Variants in HPSE2 observed in about 807,000 individuals in gnomAD.
HPSE2 encodes the protein inactive heparanase-2.
In HPSE2, 38 loss-of-function variants were observed where a neutral mutation model predicts 60.5. That is an observed-to-expected ratio of 0.63 (90% CI 0.48 to 0.82). HPSE2 has a LOEUF of 0.82. Ranked by LOEUF, HPSE2 falls within the 40% of genes least tolerant of loss-of-function variation. The probability of loss-of-function intolerance (pLI) is 0.00; values close to 1 mark genes in which losing one functional copy is unlikely to be tolerated. For synonymous variants in HPSE2, 295 were observed against 293.2 expected, an observed-to-expected ratio of 1.01 and a Z score of -0.06; for missense variants, 713 against 740.4, an observed-to-expected ratio of 0.96 and a Z score of 0.43.
chr10:99,291,311 T>C, the HPSE2 span, among the ~76,000 whole-genome samples: 1 of 152,124 alleles, frequency 6.6e-6, no homozygotes, highest in African/African-American at 2.4e-5. Context: ...ATGGGCCAGA[T>C]GCGGTGGCTC....
chr10:98,520,429 T>C (rs978427951), intron 9 of HPSE2, among the ~76,000 whole-genome samples: 1 of 152,060 alleles, frequency 6.6e-6, no homozygotes, highest in African/African-American at 2.4e-5. Context: ...TCCCAAGAAA[T>C]GGTCCCAAGT....
At chr10:99,189,879 T>C (rs1848159663) in intron 2 of HPSE2, among the ~76,000 whole-genome samples, 3 of 152,210 alleles carry the variant, frequency 2.0e-5, no homozygotes, top group Admixed American at 2.0e-4. Context: ...CCACACTGTC[T>C]GATACCAAGT....
chr10:99,290,193 C>T, the HPSE2 span, among the ~76,000 whole-genome samples: 2 of 152,042 alleles, frequency 1.3e-5, no homozygotes, highest in Admixed American at 1.3e-4. Flanking sequence ...GGAAGAGAGT[C>T]GTCTTAAAGT....
chr10:98,706,587 C>T (rs1948553939), intron 5 of HPSE2, among the ~76,000 whole-genome samples: 1 of 152,114 alleles, frequency 6.6e-6, no homozygotes, highest in African/African-American at 2.4e-5. Flanking sequence ...CTTATGGTGT[C>T]AGAAGGAATA....
chr10:98,801,996 C>A (rs118140384), intron 3 of HPSE2, among the ~76,000 whole-genome samples: 3 of 152,030 alleles, frequency 2.0e-5, no homozygotes, highest in Admixed American at 1.3e-4. Context: ...AAAACATAGA[C>A]CAACAGAACA....
chr10:99,172,801 C>A (rs1847365904), intron 2 of HPSE2, among the ~76,000 whole-genome samples: 1 of 152,036 alleles, frequency 6.6e-6, no homozygotes, highest in Non-Finnish European at 1.5e-5. Flanking sequence ...TCGCTTGAAC[C>A]TGAGAGGCGG....
chr10:98,724,734 C>G (rs1301668598), intron 4 of HPSE2, among the ~76,000 whole-genome samples: 1 of 152,124 alleles, frequency 6.6e-6, no homozygotes, highest in African/African-American at 2.4e-5. Flanking sequence ...CCTTCTTTGT[C>G]TCTTTTGATC....
At chr10:98,708,035 CTG>C (rs1948590261) in intron 5 of HPSE2, among the ~76,000 whole-genome samples, 1 of 152,060 alleles carries the variant, frequency 6.6e-6, no homozygotes, top group African/African-American at 2.4e-5. Flanking sequence ...ATGTGAAAAA[CTG>C]AAGCATTTTG....
At chr10:98,575,428 C>T (rs1280224859) in intron 9 of HPSE2, among the ~76,000 whole-genome samples, 1 of 152,160 alleles carries the variant, frequency 6.6e-6, no homozygotes, top group Non-Finnish European at 1.5e-5. Context: ...TTCTAACAGA[C>T]ATTTAAACAG....
intron 3 of HPSE2, among the ~76,000 whole-genome samples, chr10:98,807,503 T>G (rs1951069914): frequency 6.6e-6 from 1 of 152,240 alleles, no homozygotes; most frequent in Non-Finnish European, 1.5e-5. Flanking sequence ...TTGTGAATTT[T>G]AAAGGATGTT....
At chr10:98,900,766 G>T (rs1053342325) in intron 3 of HPSE2, among the ~76,000 whole-genome samples, 1 of 152,082 alleles carries the variant, frequency 6.6e-6, no homozygotes, top group African/African-American at 2.4e-5. Flanking sequence ...ATTACTTGAA[G>T]GAATGTAAAA....
intron 6 of HPSE2, among the ~76,000 whole-genome samples, chr10:98,657,525 T>C (rs1246898552): frequency 6.6e-6 from 1 of 152,090 alleles, no homozygotes; most frequent in East Asian, 1.9e-4. Context: ...TTAGTAGAGA[T>C]GGGGTTTTAC....
intron 3 of HPSE2, among the ~76,000 whole-genome samples, chr10:98,863,464 G>T (rs1448256781): frequency 6.6e-6 from 1 of 152,150 alleles, no homozygotes; most frequent in African/African-American, 2.4e-5. Context: ...AACTTGTCCT[G>T]TGAACTACCC....
intron 9 of HPSE2, among the ~76,000 whole-genome samples, chr10:98,561,262 G>C (rs890174184): frequency 7.9e-5 from 12 of 151,970 alleles, no homozygotes; most frequent in Admixed American, 3.9e-4. Flanking sequence ...TGCCTCCAGG[G>C]TTCAAGCAAT....
chr10:99,142,108 T>C (rs1415494980), intron 3 of HPSE2, among the ~76,000 whole-genome samples: 2 of 152,178 alleles, frequency 1.3e-5, no homozygotes, highest in African/African-American at 4.8e-5. Flanking sequence ...GCCAGACTTA[T>C]ACAGAAAGAA....
chr10:99,140,531 C>A (rs542292705), intron 3 of HPSE2, among the ~76,000 whole-genome samples: 1 of 152,256 alleles, frequency 6.6e-6, no homozygotes, highest in African/African-American at 2.4e-5. Flanking sequence ...ATATGATATT[C>A]CTTGCCTTCT....
chr10:98,620,821 G>A, intron 7 of HPSE2, 113 bp from the exon 8 acceptor site: 1 of 789,128 alleles, frequency 1.3e-6, no homozygotes, highest in Non-Finnish European at 2.2e-6. Flanking sequence ...TTTTCAGGGG[G>A]TCATGATTTG....
chr10:98,575,360 G>A (rs925898969), intron 9 of HPSE2, among the ~76,000 whole-genome samples: 1 of 152,150 alleles, frequency 6.6e-6, no homozygotes, highest in Non-Finnish European at 1.5e-5. Context: ...TGGCTCTTAG[G>A]TGGAAGACAG....
intron 3 of HPSE2, among the ~76,000 whole-genome samples, chr10:98,923,800 C>A (rs991564445): frequency 6.6e-6 from 1 of 151,952 alleles, no homozygotes; most frequent in Non-Finnish European, 1.5e-5. Flanking sequence ...ATATTGAATT[C>A]CTTCTCTGTG....
Sources: gnomAD v4.1 joint callset for allele counts (sites outside exome capture counted in the v4.1 genomes callset) on GRCh38, gnomAD v4.1.1 for gene constraint, MANE v1.5 for transcripts, NCBI Gene and HGNC (gene_info 2026-07-23, HGNC 2026-07-21) for gene names.